Variants in CEP128 observed in about 807,000 individuals in gnomAD.
The protein encoded by CEP128 is centrosomal protein 128kDa.
Under a neutral mutation model 156.7 loss-of-function variants are expected in CEP128, and 132 were observed. That is an observed-to-expected ratio of 0.84 (90% CI 0.73 to 0.97). The LOEUF is 0.97. Ranked by LOEUF, CEP128 falls within the 50% of genes least tolerant of loss-of-function variation. The probability of loss-of-function intolerance (pLI) is 0.00; values close to 1 mark genes in which losing one functional copy is unlikely to be tolerated. For synonymous variants in CEP128, 469 were observed against 448.9 expected (o/e 1.04, Z -0.57); for missense variants, 1,252 against 1,281.9 (o/e 0.98, Z 0.36).
chr14:80,737,653 C>A (rs2139567133), intron 19 of CEP128, among the ~76,000 whole-genome samples: 1 of 152,178 alleles, frequency 6.6e-6, no homozygotes, highest in South Asian at 2.1e-4. Flanking sequence ...AAAACAAGGT[C>A]TAGGATTATT....
downstream of CEP128, among the ~76,000 whole-genome samples, chr14:80,488,977 A>C (rs1887235415): frequency 2.0e-5 from 2 of 100,714 alleles, no homozygotes; most frequent in African/African-American, 3.9e-5. Flanking sequence ...CACTCCAGGG[A>C]CTGTTGTGGG....
At chr14:80,905,835 T>C (rs1883856488) in intron 5 of CEP128, 120 bp downstream of exon 5, 2 of 875,966 alleles carry the variant, frequency 2.3e-6, no homozygotes, top group South Asian at 3.1e-5. Flanking sequence ...GACAACTACA[T>C]GTACTATCAT....
chr14:80,697,547 TAAG>T (rs1896930775), intron 19 of CEP128, among the ~76,000 whole-genome samples: 2 of 152,078 alleles, frequency 1.3e-5, no homozygotes, highest in African/African-American at 4.8e-5. Context: ...ATTCTTAAAA[TAAG>T]AAGGCATAGC....
intron 9 of CEP128, among the ~76,000 whole-genome samples, chr14:80,858,733 G>A (rs1371256681): frequency 1.9e-4 from 29 of 151,512 alleles, no homozygotes; most frequent in Admixed American, 3.3e-4. Context: ...AAAAGTGGGC[G>A]AAGGACATGA....
chr14:80,676,602 C>T (rs534015732), intron 19 of CEP128, among the ~76,000 whole-genome samples: 3 of 152,088 alleles, frequency 2.0e-5, no homozygotes, highest in Non-Finnish European at 4.4e-5. Flanking sequence ...ATAATGAGTA[C>T]AGTTCCTCAG....
intron 19 of CEP128, among the ~76,000 whole-genome samples, chr14:80,592,624 A>C (rs757918792): frequency 3.6e-4 from 55 of 152,238 alleles, no homozygotes; most frequent in Non-Finnish European, 4.6e-4. Flanking sequence ...ATAGAAAAAG[A>C]GGGAATCCTC....
chr14:80,815,154 T>A (rs1007614672), intron 13 of CEP128, among the ~76,000 whole-genome samples: 1 of 152,150 alleles, frequency 6.6e-6, no homozygotes. Context: ...GGAGAAAATA[T>A]TTGTAAACTA....
intron 9 of CEP128, among the ~76,000 whole-genome samples, chr14:80,852,209 G>A (rs1365570980): frequency 6.6e-6 from 1 of 151,608 alleles, no homozygotes; most frequent in Admixed American, 6.6e-5. Flanking sequence ...AGGTCAAAAT[G>A]GAAGTTTCAA....
At chr14:80,862,256 C>A (rs1887548985) in intron 9 of CEP128, among the ~76,000 whole-genome samples, 1 of 152,136 alleles carries the variant, frequency 6.6e-6, no homozygotes, top group South Asian at 2.1e-4. Flanking sequence ...ACACAAGCAC[C>A]CACAGACAAT....
intron 5 of CEP128, 130 bp from the exon 6 acceptor site, chr14:80,905,061 C>T (rs912805663): frequency 1.3e-5 from 8 of 596,252 alleles, no homozygotes; most frequent in Non-Finnish European, 2.4e-5. Flanking sequence ...GACTATTTCC[C>T]AAGTATCTTG....
chr14:80,611,151 T>G (rs1346910150), intron 19 of CEP128, among the ~76,000 whole-genome samples: 1 of 152,068 alleles, frequency 6.6e-6, no homozygotes, highest in African/African-American at 2.4e-5. Context: ...ACATATTTAT[T>G]GAGAACCTAT....
chr14:80,595,212 AAC>A (rs2140502923), intron 19 of CEP128, among the ~76,000 whole-genome samples: 1 of 152,218 alleles, frequency 6.6e-6, no homozygotes, highest in East Asian at 1.9e-4. Flanking sequence ...TCAGCAAACT[AAC>A]ACAGGAATGG....
intron 2 of CEP128, among the ~76,000 whole-genome samples, chr14:80,938,930 T>C (rs1885990966): frequency 6.6e-6 from 1 of 152,168 alleles, no homozygotes; most frequent in African/African-American, 2.4e-5. Context: ...TAAACAGCAA[T>C]GAAGCCCCTT....
At chr14:80,894,671 C>A in intron 8 of CEP128, 1 of 401,334 alleles carries the variant, frequency 2.5e-6, no homozygotes, top group Non-Finnish European at 4.9e-6. Context: ...AGGCTCTTCA[C>A]AAAAAACTTA....
chr14:80,796,506 A>C (rs888663825), intron 13 of CEP128, among the ~76,000 whole-genome samples: 7 of 152,006 alleles, frequency 4.6e-5, no homozygotes, highest in Non-Finnish European at 8.8e-5. Flanking sequence ...AGCAGGTGAC[A>C]CTGTTAATAA....
chr14:80,662,370 G>C (rs1051292054), intron 19 of CEP128, among the ~76,000 whole-genome samples: 6 of 152,104 alleles, frequency 3.9e-5, no homozygotes, highest in Non-Finnish European at 8.8e-5. Context: ...GCAGTCTCTA[G>C]AGACAGTAAT....
At chr14:80,690,670 G>A (rs1003833147) in intron 19 of CEP128, among the ~76,000 whole-genome samples, 1 of 152,040 alleles carries the variant, frequency 6.6e-6, no homozygotes, top group African/African-American at 2.4e-5. Flanking sequence ...CTTCAAATTT[G>A]CTAACAATGA....
chr14:80,838,524 A>T (rs1246960416), intron 10 of CEP128, among the ~76,000 whole-genome samples: 2 of 152,276 alleles, frequency 1.3e-5, no homozygotes, highest in East Asian at 3.9e-4. Context: ...TTTCATCTCA[A>T]CTGTGAGCCA....
At chr14:80,869,438 G>A (rs1196961975) in intron 8 of CEP128, among the ~76,000 whole-genome samples, 1 of 151,828 alleles carries the variant, frequency 6.6e-6, no homozygotes, top group African/African-American at 2.4e-5. Context: ...CAAAACTTAT[G>A]GGATGCAAAA....
Sources: allele counts gnomAD v4.1 joint callset (sites outside exome capture counted in the v4.1 genomes callset), GRCh38; gene constraint gnomAD v4.1.1; transcripts MANE v1.5; gene names NCBI Gene and HGNC (gene_info 2026-07-23, HGNC 2026-07-21).